Variants in THSD7B observed in about 807,000 individuals in gnomAD.
THSD7B encodes thrombospondin type-1 domain-containing protein 7B.
Under a neutral mutation model 213.6 loss-of-function variants are expected in THSD7B, and 138 were observed. The observed-to-expected ratio is 0.65, with a 90% confidence interval of 0.56 to 0.74. The LOEUF is 0.74. Among genes scored for constraint, THSD7B ranks in the 30% least tolerant of loss-of-function variants. THSD7B has a pLI of 0.00. For missense variants in THSD7B, 1,931 were observed against 1,991.5 expected (o/e 0.97, Z 0.58); for synonymous variants, 742 against 687.0 (o/e 1.08, Z -1.25).
chr2:137,112,158 T>C (rs16838088), intron 4 of THSD7B, among the ~76,000 whole-genome samples: 8,843 of 152,232 alleles, frequency 0.058, 274 homozygotes, highest in East Asian at 0.1. Flanking sequence ...CTTTCTCTGG[T>C]TGGAGCAGCT....
intron 12 of THSD7B, among the ~76,000 whole-genome samples, chr2:137,347,803 G>T (rs867030493): frequency 2.2e-4 from 33 of 151,486 alleles, no homozygotes; most frequent in African/African-American, 7.7e-4. Flanking sequence ...TGACTTAAGA[G>T]TTATTTACAT....
chr2:137,141,056 G>A (rs1224480007), intron 5 of THSD7B, among the ~76,000 whole-genome samples: 6 of 152,166 alleles, frequency 3.9e-5, no homozygotes, highest in Non-Finnish European at 5.9e-5. Flanking sequence ...TAGGGCAAGA[G>A]GGTTCCTGGA....
chr2:136,992,348 G>A (rs1573754012), intron 2 of THSD7B, among the ~76,000 whole-genome samples: 2 of 152,314 alleles, frequency 1.3e-5, no homozygotes, highest in Middle Eastern at 6.8e-3. Context: ...TTGGTTTTGT[G>A]GAAACCATGG....
At chr2:137,419,266 A>G (rs567441011) in intron 14 of THSD7B, among the ~76,000 whole-genome samples, 6 of 150,926 alleles carry the variant, frequency 4.0e-5, no homozygotes, top group African/African-American at 1.5e-4. Flanking sequence ...GCTGCAGGAG[A>G]TACCCCATCT....
rs375344908 is a variant in THSD7B, at chr2:137,060,976, G to T, written c.950+3746G>T. ...TGATAATACTGAGTCATCCTATTCT[G>T]GTACATAGGATATCTCTCCATTTAT... On this transcript the variant is annotated intron_variant, in intron 3 of 27. Transcript: ENST00000409968. Among the ~76,000 whole-genome samples the T allele has an allele frequency of 1.4e-3, 212 of 151,624 alleles. 1 individual carries two copies. Among genetic ancestry groups the T allele is most frequent in the African/African-American group, 5.0e-3 (206 of 41,420 alleles).
chr2:137,082,438 G>A lies in THSD7B; in HGVS notation c.951-12435G>A, dbSNP rs542006295. ...ATATCAAACTCAGGCTACTGCTGTT[G>A]TTTTGCACACCTGGAAGTCAAGATA... On this transcript the variant is annotated intron_variant, in intron 3 of 27. Transcript: ENST00000409968. 3.9e-5 allele frequency among the ~76,000 whole-genome samples: 6 copies of A among 152,156 alleles called. No homozygotes were observed. The South Asian group carries it at 1.0e-3, about 26-fold the overall frequency.
chr2:137,361,839 C>T (rs377626674), intron 12 of THSD7B, among the ~76,000 whole-genome samples: 12 of 152,084 alleles, frequency 7.9e-5, no homozygotes, highest in South Asian at 2.1e-4. Flanking sequence ...ACTTCCCCAA[C>T]CTAGCAAGGC....
At chr2:137,381,500 C>A (rs902182203) in intron 12 of THSD7B, among the ~76,000 whole-genome samples, 1 of 152,118 alleles carries the variant, frequency 6.6e-6, no homozygotes, top group South Asian at 2.1e-4. Context: ...CCTAGAGGCC[C>A]GGCTTCAGAG....
At chr2:137,492,227 A>G (rs1335266418) in intron 15 of THSD7B, among the ~76,000 whole-genome samples, 3 of 152,154 alleles carry the variant, frequency 2.0e-5, no homozygotes, top group Non-Finnish European at 2.9e-5. Flanking sequence ...CTTGCTTACT[A>G]CCATTTTATA....
Position 137,618,467 on chromosome 2 carries a change from G to A in THSD7B, c.3641G>A (p.Cys1214Tyr), listed in dbSNP as rs1246123066. The change falls in exon 19 of 28, where the codon TGC becomes TAC. Residue 1214 changes from cysteine (C) to tyrosine (Y), a missense_variant. Coordinates refer to ENST00000409968, the MANE Select transcript of THSD7B (RefSeq NM_001316349.2). ...AGGACCCGCCTGCTAAGCTGTGTGT[G>A]CAGTGATGGCAAGCCAGTCAGCATG... is the stretch of plus-strand genomic sequence containing the variant. ...GVRTRLLSCV[C>Y]SDGKPVSMDQ... 1 of 1,613,738 alleles carries A rather than the reference G, an allele frequency of 6.2e-7. No individual in the cohort carries two copies. The highest frequency in any genetic ancestry group is 1.7e-5 in the Admixed American group (1 of 59,926).
chr2:136,853,558 G>A lies in THSD7B; in HGVS notation c.-35-28586G>A, dbSNP rs957345939. On this transcript the variant is annotated intron_variant, in intron 1 of 27. Transcript: ENST00000409968. ...TGGTGATGCTAACCTTGATAACCTG[G>A]TCAAGATGGTGCCTCTACATACTTT... Among the ~76,000 whole-genome samples, 6 of 152,222 alleles carry A rather than the reference G, an allele frequency of 3.9e-5. No individual in the cohort carries two copies. The South Asian group carries it at 8.3e-4, about 21-fold the overall frequency.
At chr2:137,184,914 T>C (rs1286642454) in intron 7 of THSD7B, among the ~76,000 whole-genome samples, 1 of 152,198 alleles carries the variant, frequency 6.6e-6, no homozygotes, top group Non-Finnish European at 1.5e-5. Flanking sequence ...ATGAAATTAT[T>C]GGGAAAAGTT....
chr2:137,006,044 A>G (rs1686101286), intron 2 of THSD7B, among the ~76,000 whole-genome samples: 1 of 152,232 alleles, frequency 6.6e-6, no homozygotes, highest in African/African-American at 2.4e-5. Context: ...ATACTAAAGC[A>G]ATAAGAACTA....
rs1420595574 is a variant in THSD7B, at chr2:137,541,534, T to C, written c.3139-21687T>C. On this transcript the variant is annotated intron_variant, in intron 15 of 27. Transcript: ENST00000409968. ...ACATATCCATCATCTCACACACTTATCATTTCTTTGTTTTGGAAACACTCA... is the reference window on the plus strand; with the variant it reads ...ACATATCCATCATCTCACACACTTACCATTTCTTTGTTTTGGAAACACTCA... Among the ~76,000 whole-genome samples the C allele has an allele frequency of 2.0e-5, 3 of 151,756 alleles. 1 individual carries two copies. The highest frequency in any genetic ancestry group is 1.3e-4 in the Admixed American group (2 of 15,200).
intron 3 of THSD7B, among the ~76,000 whole-genome samples, chr2:137,067,233 T>C (rs749738715): frequency 1.3e-5 from 2 of 152,154 alleles, no homozygotes; most frequent in African/African-American, 2.4e-5. Context: ...TTTTGTCTTT[T>C]AGTGTGCTGT....
In THSD7B at chr2:137,630,709, G is replaced by T. The variant is rs1431200327; in HGVS notation, c.3799+9983G>T. Among the ~76,000 whole-genome samples, 3 of 152,138 alleles carry T rather than the reference G, an allele frequency of 2.0e-5. No individual in the cohort carries two copies. In the East Asian group the frequency reaches 5.8e-4, roughly 29 times the overall value. ...TATCATTAGGAAACATCAGCAGCTC[G>T]CCTGTTCTAAGACAAAGTGCCAGCA... On this transcript the variant is annotated intron_variant, in intron 20 of 27. Transcript: ENST00000409968.
chr2:136,883,023 T>C (rs115104266), intron 2 of THSD7B, among the ~76,000 whole-genome samples: 1 of 152,166 alleles, frequency 6.6e-6, no homozygotes, highest in East Asian at 1.9e-4. Flanking sequence ...CTCTTTGTAT[T>C]ACTGATGCTT....
intron 2 of THSD7B, among the ~76,000 whole-genome samples, chr2:136,962,502 G>C (rs963547649): frequency 6.8e-6 from 1 of 147,570 alleles, no homozygotes. Context: ...GTGGAGAGTT[G>C]GGATGGCGGT....
intron 2 of THSD7B, among the ~76,000 whole-genome samples, chr2:136,972,127 A>AGGAGAATGGACTACCAT (rs1299958338): frequency 6.6e-6 from 1 of 151,576 alleles, no homozygotes; most frequent in African/African-American, 2.4e-5. Flanking sequence ...ATCACTGTCA[A>AGGAGAATGGACTACCAT]GGAGAATGGA....
Sources: gnomAD v4.1 joint callset for allele counts (sites outside exome capture counted in the v4.1 genomes callset) on GRCh38, gnomAD v4.1.1 for gene constraint, MANE v1.5 for transcripts, NCBI Gene and HGNC (gene_info 2026-07-23, HGNC 2026-07-21) for gene names.